DAB2IP: variants seen among roughly 807,000 people sequenced by gnomAD.
DAB2IP encodes the protein disabled homolog 2-interacting protein.
DAB2IP carries 28 observed loss-of-function variants against 107.2 expected under a neutral mutation model. The observed-to-expected ratio is 0.26, with a 90% confidence interval of 0.19 to 0.36. DAB2IP has a LOEUF of 0.36. Among genes scored for constraint, DAB2IP ranks in the 10% least tolerant of loss-of-function variants. The probability of loss-of-function intolerance (pLI) is 1.00; values close to 1 mark genes in which losing one functional copy is unlikely to be tolerated. For synonymous variants in DAB2IP, 755 were observed against 706.4 expected, an observed-to-expected ratio of 1.07 and a Z score of -1.09; for missense variants, 1,400 against 1,644.7, an observed-to-expected ratio of 0.85 and a Z score of 2.57.
intron 3 of DAB2IP, chr9:121,751,794 T>A: frequency 3.0e-6 from 1 of 332,130 alleles, no homozygotes; most frequent in Non-Finnish European, 4.3e-6. Context: ...TGCTTTGGTC[T>A]AGACAGGAGA....
intron 3 of DAB2IP, among the ~76,000 whole-genome samples, chr9:121,726,438 C>T (rs1403334311): frequency 2.0e-5 from 3 of 152,164 alleles, no homozygotes; most frequent in Non-Finnish European, 4.4e-5. Context: ...TGAGCTGTTG[C>T]AGCAAATTAA....
At position 121,702,817 on chromosome 9, in the gene DAB2IP, C is replaced by G. The variant is rs1236262041; in HGVS notation, c.362+3359C>G. ...TATGCTTTCCTCATTCCTTCTCTCT[C>G]CTGATGCTGTTTCTGGGTGACTCTA... On this transcript the variant is annotated intron_variant, in intron 3 of 15. Transcript: ENST00000408936. This position sits in a 1 kb window ranked among gnomAD's most constrained non-coding sequence, Gnocchi z 4.5. 2.6e-5 allele frequency among the ~76,000 whole-genome samples: 4 copies of G among 152,070 alleles called. No homozygotes were observed. Among genetic ancestry groups the G allele is most frequent in the Non-Finnish European group, 5.9e-5 (4 of 68,010 alleles).
At chr9:121,731,839 A>G (rs1328159811) in intron 3 of DAB2IP, among the ~76,000 whole-genome samples, 4 of 151,894 alleles carry the variant, frequency 2.6e-5, no homozygotes, top group Non-Finnish European at 5.9e-5. Context: ...AGGGTTGGGG[A>G]GTGTTTAGGG....
At chr9:121,773,084 G>A (rs1378860979) in exon 12 of DAB2IP, 2 of 1,612,526 alleles carry the variant, frequency 1.2e-6, no homozygotes, top group South Asian at 1.1e-5. Context: ...CAGGCTCTGA[G>A]GGCCACAGCT....
In DAB2IP at chr9:121,698,934, G is replaced by T. The variant is rs1320253428; in HGVS notation, c.229-391G>T. Among the ~76,000 whole-genome samples the T allele has an allele frequency of 6.6e-6, 1 of 151,940 alleles. No individual in the cohort carries two copies. The highest frequency in any genetic ancestry group is 1.5e-5 in the Non-Finnish European group (1 of 67,890). ...GAGGCGGCAGGGAGGTGAGCGGGGC[G>T]GCCGGCCCTGGCGGTCCCCGGGGGT... On this transcript the variant is annotated intron_variant, in intron 2 of 15. Transcript: ENST00000408936. This position sits in a 1 kb window ranked among gnomAD's most constrained non-coding sequence, Gnocchi z 4.1.
chr9:121,745,738 A>AG (rs940073429), intron 3 of DAB2IP, among the ~76,000 whole-genome samples: 14 of 149,082 alleles, frequency 9.4e-5, no homozygotes, highest in African/African-American at 3.5e-4. Context: ...GCTGAGGTGC[A>AG]GGAGAGGCCC....
At chr9:121,610,056 A>ATGTG (rs10537988) in intron 1 of DAB2IP, among the ~76,000 whole-genome samples, 6 of 150,600 alleles carry the variant, frequency 4.0e-5, no homozygotes, top group African/African-American at 1.2e-4. Context: ...GATTTTGTGT[A>ATGTG]TGTGTGTGTG....
intron 1 of DAB2IP, among the ~76,000 whole-genome samples, chr9:121,605,533 C>G (rs898540256): frequency 6.6e-6 from 1 of 152,112 alleles, no homozygotes; most frequent in African/African-American, 2.4e-5. Context: ...GGGTCTCACT[C>G]TGTCACTCAT....
intron 14 of DAB2IP, among the ~76,000 whole-genome samples, chr9:121,777,984 C>T (rs907014146): frequency 2.0e-5 from 3 of 152,150 alleles, no homozygotes; most frequent in African/African-American, 7.2e-5. Context: ...CTTTTTTTAT[C>T]CTCCTGCTTT....
chr9:121,653,352 T>A (rs944111410), intron 1 of DAB2IP, among the ~76,000 whole-genome samples: 5 of 152,064 alleles, frequency 3.3e-5, no homozygotes, highest in African/African-American at 1.2e-4. Flanking sequence ...TTCTATTTAA[T>A]TCTGTACTTG....
At chr9:121,723,001 G>A (rs111391053) in intron 3 of DAB2IP, among the ~76,000 whole-genome samples, 43 of 152,282 alleles carry the variant, frequency 2.8e-4, no homozygotes, top group African/African-American at 9.9e-4. Context: ...TCTTATCCAC[G>A]TCCCTGTGCC....
intron 8 of DAB2IP, 41 bp downstream of exon 8, chr9:121,763,920 C>G (rs899933252): frequency 5.6e-6 from 9 of 1,604,286 alleles, no homozygotes; most frequent in African/African-American, 2.7e-5. Context: ...GTCGCCTTCC[C>G]CATCCTGTCC....
At position 121,591,295 on chromosome 9, in the gene DAB2IP, C is replaced by T. The variant is rs137911846; in HGVS notation, c.40+24067C>T. 7.4e-3 allele frequency among the ~76,000 whole-genome samples: 1,122 copies of T among 152,306 alleles called. 5 individuals carry two copies. The highest frequency in any genetic ancestry group is 0.011 in the Non-Finnish European group (739 of 68,026). On this transcript the variant is annotated intron_variant, in intron 1 of 16. Transcript: ENST00000259371. ...ACCAGCCTGGCCAACATAGTGAAAC[C>T]CTGTCTCTACCAAAAATACAAAAAT...
intron 1 of DAB2IP, among the ~76,000 whole-genome samples, chr9:121,610,999 C>T (rs1280265270): frequency 6.6e-6 from 1 of 152,092 alleles, no homozygotes. Flanking sequence ...GTTTTTGAGA[C>T]AGAGTCTCAC....
chr9:121,735,981 C>T (rs1212359109), intron 3 of DAB2IP, among the ~76,000 whole-genome samples: 2 of 152,246 alleles, frequency 1.3e-5, no homozygotes, highest in Middle Eastern at 3.2e-3. Flanking sequence ...TCCCTGCACC[C>T]GACCTTTCCC....
chr9:121,674,504 G>A (rs768872696), intron 1 of DAB2IP, among the ~76,000 whole-genome samples: 4 of 152,138 alleles, frequency 2.6e-5, no homozygotes, highest in Non-Finnish European at 5.9e-5. Flanking sequence ...CCTATCCTCC[G>A]GCCACCTGGG....
intron 8 of DAB2IP, 105 bp downstream of exon 8, chr9:121,763,984 C>T (rs996515800): frequency 6.7e-7 from 1 of 1,493,666 alleles, no homozygotes; most frequent in Non-Finnish European, 9.1e-7. Flanking sequence ...CTGAGTTGTA[C>T]TGACTTGCCA....
intron 1 of DAB2IP, among the ~76,000 whole-genome samples, chr9:121,582,157 T>G (rs969964349): frequency 1.1e-4 from 17 of 152,144 alleles, no homozygotes; most frequent in Non-Finnish European, 2.1e-4. Context: ...GGTTGGAAGC[T>G]AATGTGCCTG....
intron 8 of DAB2IP, among the ~76,000 whole-genome samples, chr9:121,765,946 T>G (rs1287282195): frequency 1.3e-5 from 2 of 152,042 alleles, no homozygotes; most frequent in Non-Finnish European, 2.9e-5. Context: ...ATCTTCTTGA[T>G]CTTTCTGAGC....
Sources: allele counts gnomAD v4.1 joint callset (sites outside exome capture counted in the v4.1 genomes callset), GRCh38; gene constraint gnomAD v4.1.1; non-coding constraint Gnocchi (gnomAD v3.1); transcripts MANE v1.5; gene names NCBI Gene and HGNC (gene_info 2026-07-23, HGNC 2026-07-21).